ZDHHC23: variants seen among roughly 807,000 people sequenced by gnomAD.
The protein encoded by ZDHHC23 is zDHHC palmitoyltransferase 23.
A neutral mutation model predicts 40.2 loss-of-function variants in ZDHHC23; 41 were observed. The observed-to-expected ratio is 1.02, with a 90% CI of 0.79 to 1.32. ZDHHC23 has a LOEUF of 1.32. Among genes scored for constraint, ZDHHC23 ranks in the 40% most tolerant of loss-of-function variants. The probability of loss-of-function intolerance (pLI) is 0.00; values close to 1 mark genes in which losing one functional copy is unlikely to be tolerated. For synonymous variants in ZDHHC23, 204 were observed against 210.2 expected (o/e 0.97, Z 0.26); for missense variants, 471 against 541.5 (o/e 0.87, Z 1.29).
chr3:113,978,446 G>T, the ZDHHC23 span: 1 of 1,037,688 alleles, frequency 9.6e-7, no homozygotes, highest in Non-Finnish European at 1.4e-6. Context: ...TGACACTAGA[G>T]ACATACAAAG....
chr3:113,970,479 C>T, the ZDHHC23 span, among the ~76,000 whole-genome samples: 1 of 151,998 alleles, frequency 6.6e-6, no homozygotes, highest in Admixed American at 6.6e-5. Context: ...TTATTTTTTT[C>T]TCTTGTCTAA....
In ZDHHC23 at chr3:113,958,653, G is replaced by C. The variant is rs769262552; in HGVS notation, c.*23G>C. 13 of 1,593,630 alleles carry C rather than the reference G, an allele frequency of 8.2e-6. No individual in the cohort carries two copies. Among genetic ancestry groups the C allele is most frequent in the East Asian group, 2.2e-5 (1 of 44,758 alleles). On this transcript the variant is annotated 3_prime_UTR_variant, in exon 5 of 5. Coordinates refer to ENST00000638807, the MANE Select transcript of ZDHHC23 (RefSeq NM_001320466.2). The stretch of plus-strand genomic sequence containing the variant: ...TGAAGTGCCTTCTATGTGGCTCTCT[G>C]AGGGATGATGGCTCCTCCTTCCGTC...
the ZDHHC23 span, chr3:113,978,061 CT>C: frequency 4.3e-5 from 45 of 1,038,562 alleles, no homozygotes; most frequent in Non-Finnish European, 5.4e-5. Flanking sequence ...ACTCCCACCC[CT>C]GACTGGTGTT....
chr3:113,977,713 T>C, the ZDHHC23 span, among the ~76,000 whole-genome samples: 1 of 152,196 alleles, frequency 6.6e-6, no homozygotes, highest in African/African-American at 2.4e-5. Context: ...GCGACAGCAA[T>C]GTTCAACGTT....
the ZDHHC23 span, among the ~76,000 whole-genome samples, chr3:113,972,025 T>G: frequency 5.0e-3 from 758 of 152,242 alleles, 8 homozygotes; most frequent in African/African-American, 0.017. Context: ...AGTTGTTATG[T>G]CTCCTTTTTC....
the ZDHHC23 span, among the ~76,000 whole-genome samples, chr3:113,972,000 T>C: frequency 6.6e-6 from 1 of 152,292 alleles, no homozygotes; most frequent in Admixed American, 6.5e-5. Context: ...TGATTCTTTG[T>C]ATTTTTGATG....
rs758378208 is a variant in ZDHHC23, at chr3:113,953,741, G to C, written c.203G>C (p.Arg68Thr). The change falls in exon 3 of 5, where the codon AGA (arginine) becomes ACA (threonine). Residue 68 changes from arginine to threonine, a missense_variant. Coordinates refer to ENST00000638807, the MANE Select transcript of ZDHHC23 (RefSeq NM_001320466.2). ...CKSLQPETCE[R>T]IMDTISDRLR... ...TCTTTACAGCCAGAGACTTGTGAAA[G>C]AATCATGGATACAATTTCTGATCGC... is the stretch of plus-strand genomic sequence containing the variant. 2 of 1,614,128 alleles carry C rather than the reference G, an allele frequency of 1.2e-6. No individual in the cohort carries two copies. The highest frequency in any genetic ancestry group is 1.7e-6 in the Non-Finnish European group (2 of 1,180,018).
Position 113,958,609 on chromosome 3 carries a change from C to T in ZDHHC23, c.1287C>T (p.His429=). The change falls in exon 5 of 5, where the codon CAC becomes CAT. Residue 429 remains histidine, a synonymous_variant. Coordinates refer to ENST00000638807, the MANE Select transcript of ZDHHC23 (RefSeq NM_001320466.2). ...FSTLGTRAFH[H]PAEDIV ...CCCTGGGCACACGTGCATTCCACCA[C>T]CCTGCCGAGGACATTGTCTGAAGTG... 1 of 1,601,108 alleles carries T rather than the reference C, an allele frequency of 6.2e-7. No homozygotes were observed. Among genetic ancestry groups the T allele is most frequent in the Non-Finnish European group, 8.5e-7 (1 of 1,179,022 alleles).
chr3:113,950,643 A>G (rs936625046), intron 2 of ZDHHC23, among the ~76,000 whole-genome samples: 11 of 152,210 alleles, frequency 7.2e-5, no homozygotes, highest in African/African-American at 2.2e-4. Context: ...TCCTTCTCAC[A>G]TGCAAAATAC....
At chr3:113,948,428 G>A in intron 1 of ZDHHC23, 1 of 221,676 alleles carries the variant, frequency 4.5e-6, no homozygotes, top group Non-Finnish European at 9.1e-6. Flanking sequence ...GGCTTGGAGC[G>A]GAGACCGCTC....
At chr3:113,948,534 C>A in intron 1 of ZDHHC23, 152 bp from the exon 2 acceptor site, 1 of 369,332 alleles carries the variant, frequency 2.7e-6, no homozygotes, top group South Asian at 5.0e-5. Flanking sequence ...CGGCTGGTGC[C>A]CAGACGGCGC....
chr3:113,963,519 T>C (rs1012456001), downstream of ZDHHC23, among the ~76,000 whole-genome samples: 1 of 148,418 alleles, frequency 6.7e-6, no homozygotes, highest in African/African-American at 2.5e-5. Flanking sequence ...AGAGGATCAC[T>C]TGAGCCCAGG....
chr3:113,953,754 A>T lies in ZDHHC23; in HGVS notation c.216A>T (p.Thr72=). ...QPETCERIMD[T]ISDRLRIPWL... ...AGACTTGTGAAAGAATCATGGATAC[A>T]ATTTCTGATCGCCTCCGAATTCCTT... Residue 72 remains threonine, a synonymous_variant, in exon 3 of 5, where the codon ACA becomes ACT. Transcript: ENST00000638807. The T allele has an allele frequency of 1.2e-6, 2 of 1,614,206 alleles. No homozygotes were observed. Among genetic ancestry groups the T allele is most frequent in the Non-Finnish European group, 1.7e-6 (2 of 1,180,032 alleles).
intron 2 of ZDHHC23, 65 bp downstream of exon 2, chr3:113,949,028 C>T: frequency 6.3e-7 from 1 of 1,582,834 alleles, no homozygotes; most frequent in Non-Finnish European, 8.6e-7. Context: ...TGTGTACTTT[C>T]AACCTAGCCA....
At chr3:113,965,413 A>G (rs775470971), downstream of ZDHHC23, 61 of 1,032,032 alleles carry the variant, frequency 5.9e-5, no homozygotes, top group Non-Finnish European at 8.3e-5. Flanking sequence ...TTGGCTTTCC[A>G]TCTATAGCAC....
At chr3:113,964,955 G>A (rs376912556), downstream of ZDHHC23, 7 of 395,344 alleles carry the variant, frequency 1.8e-5, no homozygotes, top group Admixed American at 8.8e-5. Context: ...TGATCCCACT[G>A]TGATAAATGC....
Position 113,958,553 on chromosome 3 carries a change from G to A in ZDHHC23, c.1231G>A (p.Gly411Ser). ...CGTGGACACAGGCCAGTACAATAGG[G>A]GCTTCCTGCGGAACTGGCACCAGTT... is the stretch of plus-strand genomic sequence containing the variant. The part of the protein sequence containing the change: ...LIVDTGQYNR[G>S]FLRNWHQFST... The change falls in exon 5 of 5, where the codon GGC (glycine) becomes AGC (serine). Residue 411 changes from glycine to serine, a missense_variant. By Grantham distance (56) the Gly-to-Ser change is moderately conservative. Coordinates refer to ENST00000638807, the MANE Select transcript of ZDHHC23 (RefSeq NM_001320466.2). 1 of 1,611,778 alleles carries A rather than the reference G, an allele frequency of 6.2e-7. No homozygotes were observed. Among genetic ancestry groups the A allele is most frequent in the East Asian group, 2.2e-5 (1 of 44,880 alleles).
chr3:113,974,882 C>T, the ZDHHC23 span, among the ~76,000 whole-genome samples: 137 of 152,218 alleles, frequency 9.0e-4, 1 homozygote, highest in Non-Finnish European at 4.4e-4. Flanking sequence ...CTCTTTCTCT[C>T]TAATCTTTTA....
At position 113,963,039 on chromosome 3, in the gene ZDHHC23, T is replaced by C. The variant is rs1164350800; in HGVS notation, c.*4409T>C. ...TCTTCTGATTTCTGAAAACCCTGCATTATACCTGTGCTGCCTCTGTGGCTC... is the reference window on the plus strand; with the variant it reads ...TCTTCTGATTTCTGAAAACCCTGCACTATACCTGTGCTGCCTCTGTGGCTC... On this transcript the variant is annotated 3_prime_UTR_variant, in exon 5 of 5. Transcript: ENST00000638807. 1 of 152,190 alleles carries C rather than the reference T, an allele frequency of 6.6e-6. No homozygotes were observed. Among genetic ancestry groups the C allele is most frequent in the African/African-American group, 2.4e-5 (1 of 41,430 alleles). 9.4% of individuals were successfully genotyped at this position (152,190 alleles called of 1,614,324 possible).
Sources: gnomAD v4.1 joint callset for allele counts (sites outside exome capture counted in the v4.1 genomes callset) on GRCh38, gnomAD v4.1.1 for gene constraint, MANE v1.5 for transcripts, NCBI Gene and HGNC (gene_info 2026-07-23, HGNC 2026-07-21) for gene names.